SLC13A1: variants seen among roughly 807,000 people sequenced by gnomAD.
The protein encoded by SLC13A1 is Na(+)/sulfate cotransporter.
Under a neutral mutation model 70.0 loss-of-function variants are expected in SLC13A1, and 65 were observed. That is an observed-to-expected ratio of 0.93 (90% CI 0.76 to 1.14). SLC13A1 has a LOEUF of 1.14. Ranked by LOEUF, SLC13A1 falls within the 50% of genes most tolerant of loss-of-function variation. The pLI, the probability that SLC13A1 is intolerant of heterozygous loss-of-function variation, is 0.00. For missense variants in SLC13A1, 726 were observed against 717.8 expected (o/e 1.01, Z -0.13); for synonymous variants, 275 against 250.5 (o/e 1.10, Z -0.92).
chr7:123,117,291 C>T (rs1192106864), intron 14 of SLC13A1, among the ~76,000 whole-genome samples, 180 bp downstream of exon 14: 6 of 152,096 alleles, frequency 3.9e-5, no homozygotes, highest in Non-Finnish European at 4.4e-5. Context: ...GGCATGTTCA[C>T]TTCTGATAAT....
chr7:123,192,582 CA>C (rs1373847810), intron 1 of SLC13A1, among the ~76,000 whole-genome samples: 2 of 152,094 alleles, frequency 1.3e-5, no homozygotes, highest in African/African-American at 4.8e-5. Flanking sequence ...CTCTTCTCAG[CA>C]CAGCGTGAGA....
Position 123,117,620 on chromosome 7 carries a change from G to C in SLC13A1, c.1513-12C>G. On this transcript the variant is annotated splice_polypyrimidine_tract_variant and intron_variant, in intron 13 of 14. Transcript: ENST00000194130. Reference sequence around the variant, plus strand: ...TGAATGGCTTCGGCCTGTTGTAAGAGATAAAAAAGAGTCTAAGTAAAATTT... The same window carrying C: ...TGAATGGCTTCGGCCTGTTGTAAGACATAAAAAAGAGTCTAAGTAAAATTT... The C allele has an allele frequency of 6.6e-7, 1 of 1,505,978 alleles. No homozygotes were observed. Among genetic ancestry groups the C allele is most frequent in the Non-Finnish European group, 8.9e-7 (1 of 1,121,868 alleles). The allele number at this position is 1,505,978 out of a possible 1,614,324, so 93.3% of individuals were successfully genotyped here.
intron 1 of SLC13A1, among the ~76,000 whole-genome samples, chr7:123,187,941 A>C (rs990314556): frequency 3.3e-5 from 5 of 152,204 alleles, no homozygotes; most frequent in African/African-American, 1.2e-4. Flanking sequence ...CTGGTGGAGA[A>C]AACTAGCATC....
intron 6 of SLC13A1, among the ~76,000 whole-genome samples, chr7:123,156,422 C>A (rs995353008): frequency 6.6e-6 from 1 of 152,000 alleles, no homozygotes; most frequent in Non-Finnish European, 1.5e-5. Flanking sequence ...ATAATTAATG[C>A]CCACTTTTGA....
intron 7 of SLC13A1, among the ~76,000 whole-genome samples, chr7:123,144,354 T>C (rs1226568326): frequency 6.6e-6 from 1 of 152,170 alleles, no homozygotes; most frequent in Non-Finnish European, 1.5e-5. Flanking sequence ...GTGCTTCTCT[T>C]GGGGCACTGT....
At chr7:123,123,095 AT>A in intron 12 of SLC13A1, 30 bp downstream of exon 12, 1 of 1,428,890 alleles carries the variant, frequency 7.0e-7, no homozygotes, top group Non-Finnish European at 9.9e-7. Context: ...AGTCTGGTTA[AT>A]TGTTAAATAT....
At position 123,176,130 on chromosome 7, in the gene SLC13A1, C is replaced by A. The variant is rs17145481; in HGVS notation, c.229-4226G>T. The stretch of plus-strand genomic sequence containing the variant: ...CAGGCCCACAGTTTGCCAGTTTTCT[C>A]AATAGACCATGCAAACAAACTACAG... On this transcript the variant is annotated intron_variant, in intron 2 of 14. Coordinates refer to ENST00000194130, the MANE Select transcript of SLC13A1 (RefSeq NM_022444.4). Among the ~76,000 whole-genome samples, 1,275 of 152,302 alleles carry A rather than the reference C, an allele frequency of 8.4e-3. 19 individuals are homozygous for A. Among genetic ancestry groups the A allele is most frequent in the African/African-American group, 0.028 (1,184 of 41,568 alleles).
chr7:123,116,534 G>GTGA (rs1342464668), intron 14 of SLC13A1, among the ~76,000 whole-genome samples: 1 of 152,162 alleles, frequency 6.6e-6, no homozygotes, highest in Non-Finnish European at 1.5e-5. Context: ...CCTAGCAAGG[G>GTGA]TGATAACAGA....
In SLC13A1 at chr7:123,147,158, C is replaced by T. The variant is rs150284958; in HGVS notation, c.812+1G>A. The T allele has an allele frequency of 3.7e-5, 59 of 1,612,418 alleles. No homozygotes were observed. The highest frequency in any genetic ancestry group is 4.6e-5 in the Non-Finnish European group (54 of 1,179,418). ...ATCACCAATCCAATAAGGTTACTTA[C>T]GTATTGAAATACTCTGCAAAGATCA... is the stretch of plus-strand genomic sequence containing the variant. On this transcript the variant is annotated splice_donor_variant, in intron 7 of 14. Transcript: ENST00000194130. LOFTEE classifies it high-confidence loss of function.
intron 7 of SLC13A1, among the ~76,000 whole-genome samples, chr7:123,143,379 G>A (rs1794228765): frequency 6.6e-6 from 1 of 152,184 alleles, no homozygotes; most frequent in Non-Finnish European, 1.5e-5. Context: ...AGCCCGCAGT[G>A]GTGAGGGTTG....
At chr7:123,134,306 A>G in intron 8 of SLC13A1, 104 bp downstream of exon 8, 1 of 1,055,944 alleles carries the variant, frequency 9.5e-7, no homozygotes, top group Non-Finnish European at 1.4e-6. Flanking sequence ...AAAAATGCAG[A>G]AAGGTAGCCT....
At chr7:123,148,687 C>T (rs1387984542) in intron 6 of SLC13A1, 1 of 253,214 alleles carries the variant, frequency 3.9e-6, no homozygotes, top group East Asian at 1.4e-4. Flanking sequence ...TTAAACAGTG[C>T]CCTATTTAAT....
At chr7:123,136,651 G>A (rs1793958027) in intron 7 of SLC13A1, among the ~76,000 whole-genome samples, 2 of 152,176 alleles carry the variant, frequency 1.3e-5, no homozygotes, top group African/African-American at 4.8e-5. Flanking sequence ...GGGACATAGT[G>A]GTGAATGAGA....
rs896350926 is a variant in SLC13A1, at chr7:123,119,208, A to C, written c.1385T>G (p.Leu462Ter). 10 of 1,611,184 alleles carry C rather than the reference A, an allele frequency of 6.2e-6. No individual in the cohort carries two copies. In the Admixed American group the frequency reaches 1.2e-4, roughly 19 times the overall value. ...SGLSKWIGNK[L>*]SPLGSLPAWL... The stretch of plus-strand genomic sequence containing the variant: ...TGCTGGTAATGAACCCAGAGGAGAT[A>C]ATTTATTTCCTATCCACTTAGATAA... The change falls in exon 13 of 15, where the codon TTA becomes TGA. Residue 462 changes from leucine to a stop codon, truncating the protein, a stop_gained. Coordinates refer to ENST00000194130, the MANE Select transcript of SLC13A1 (RefSeq NM_022444.4). LOFTEE classifies it high-confidence loss of function.
At chr7:123,142,434 C>T (rs554990705) in intron 7 of SLC13A1, among the ~76,000 whole-genome samples, 5 of 152,240 alleles carry the variant, frequency 3.3e-5, no homozygotes, top group Admixed American at 6.5e-5. Flanking sequence ...TGCTCTACAC[C>T]GCTGTGGCCA....
intron 2 of SLC13A1, among the ~76,000 whole-genome samples, chr7:123,175,452 C>T (rs908278021): frequency 6.6e-6 from 1 of 152,032 alleles, no homozygotes; most frequent in Non-Finnish European, 1.5e-5. Context: ...GTTGGTGTCC[C>T]CCACCCAAAT....
At chr7:123,170,617 G>GT (rs897187734) in intron 3 of SLC13A1, among the ~76,000 whole-genome samples, 3 of 127,526 alleles carry the variant, frequency 2.4e-5, no homozygotes, top group East Asian at 2.3e-4. Context: ...CGTCGTTTTG[G>GT]TTTTTTTTGT....
At chr7:123,115,687 C>T (rs1440597028) in intron 14 of SLC13A1, 32 bp from the exon 15 acceptor site, 1 of 1,609,938 alleles carries the variant, frequency 6.2e-7, no homozygotes, top group East Asian at 2.2e-5. Flanking sequence ...ATGTCAGTGT[C>T]CCAGAAGAAA....
intron 8 of SLC13A1, among the ~76,000 whole-genome samples, chr7:123,133,654 C>T (rs918420265): frequency 7.2e-5 from 11 of 151,958 alleles, no homozygotes; most frequent in South Asian, 2.1e-4. Flanking sequence ...TCTCCTTCCT[C>T]GGCCTCCTGA....
Sources: allele counts gnomAD v4.1 joint callset (sites outside exome capture counted in the v4.1 genomes callset), GRCh38; gene constraint gnomAD v4.1.1; transcripts MANE v1.5; gene names NCBI Gene and HGNC (gene_info 2026-07-23, HGNC 2026-07-21).